The following GRIA1 variants were observed in gnomAD, a reference collection of about 807,000 sequenced individuals.
GRIA1 encodes the protein glutamate receptor 1.
A neutral mutation model predicts 99.2 loss-of-function variants in GRIA1; 31 were observed. The observed-to-expected ratio is 0.31, with a 90% CI of 0.23 to 0.42. The LOEUF is 0.42. Among genes scored for constraint, GRIA1 ranks in the 10% least tolerant of loss-of-function variants. The probability of loss-of-function intolerance (pLI) is 1.00; values close to 1 mark genes in which losing one functional copy is unlikely to be tolerated. For synonymous variants in GRIA1, 438 were observed against 432.4 expected, an observed-to-expected ratio of 1.01 and a Z score of -0.16; for missense variants, 782 against 1,157.5, an observed-to-expected ratio of 0.68 and a Z score of 4.71.
At chr5:153,747,882 C>G (rs559660662) in intron 11 of GRIA1, among the ~76,000 whole-genome samples, 14 of 152,342 alleles carry the variant, frequency 9.2e-5, no homozygotes, top group African/African-American at 3.4e-4. Context: ...TGGGTCACAT[C>G]TCTTCTATTA....
At chr5:153,688,574 G>T (rs1288689218) in intron 8 of GRIA1, among the ~76,000 whole-genome samples, 1 of 152,176 alleles carries the variant, frequency 6.6e-6, no homozygotes, top group Non-Finnish European at 1.5e-5. Context: ...AAATGTTGAA[G>T]AGTTAGCACA....
intron 2 of GRIA1, among the ~76,000 whole-genome samples, chr5:153,637,815 T>A (rs1187049570): frequency 1.3e-5 from 2 of 152,192 alleles, no homozygotes; most frequent in Non-Finnish European, 2.9e-5. Flanking sequence ...GGATGCTAGA[T>A]GGGCAACCTA....
chr5:153,491,403 G>A (rs570048652), intron 1 of GRIA1: 51 of 658,470 alleles, frequency 7.7e-5, no homozygotes, highest in Admixed American at 4.0e-4. Context: ...ATATGTAATT[G>A]AAGGAGGCAG....
intron 2 of GRIA1, among the ~76,000 whole-genome samples, chr5:153,617,829 A>C (rs552720981): frequency 6.6e-6 from 1 of 152,062 alleles, no homozygotes; most frequent in South Asian, 2.1e-4. Flanking sequence ...GATACACTAC[A>C]TGCTCCTGCC....
At chr5:153,566,237 A>G (rs1004096617) in intron 2 of GRIA1, among the ~76,000 whole-genome samples, 2 of 143,226 alleles carry the variant, frequency 1.4e-5, no homozygotes, top group Non-Finnish European at 3.0e-5. Flanking sequence ...GGTGTTGAAC[A>G]TCTTTTTTAT....
chr5:153,521,992 C>A (rs901737205), intron 2 of GRIA1, among the ~76,000 whole-genome samples: 2 of 152,152 alleles, frequency 1.3e-5, no homozygotes, highest in Admixed American at 1.3e-4. Flanking sequence ...ACTTTTTAGG[C>A]CCACCCTTCA....
Position 153,703,435 on chromosome 5 carries a change from G to T in GRIA1, c.1453-2262G>T, listed in dbSNP as rs553447562. On this transcript the variant is annotated intron_variant, in intron 10 of 15. Coordinates refer to ENST00000285900, the MANE Select transcript of GRIA1 (RefSeq NM_000827.4). ...TGAACAAATTTTTGAACTACAAAAT[G>T]AACTAAGCTTTAGGACAATACGGAA... Among the ~76,000 whole-genome samples, 5 of 152,216 alleles carry T rather than the reference G, an allele frequency of 3.3e-5. No individual in the cohort carries two copies. In the East Asian group the frequency reaches 9.7e-4, roughly 29 times the overall value.
In GRIA1 at chr5:153,567,124, G is replaced by C. The variant is rs537106744; in HGVS notation, c.220+73059G>C. Among the ~76,000 whole-genome samples the C allele has an allele frequency of 2.0e-5, 3 of 152,124 alleles. No homozygotes were observed. The South Asian group carries it at 6.2e-4, about 32-fold the overall frequency. ...TTGTTGTTGTTTAGCTTGTTTATTTGTTTCATTTTATGTGCAGTACTCACT... is the reference window on the plus strand; with the variant it reads ...TTGTTGTTGTTTAGCTTGTTTATTTCTTTCATTTTATGTGCAGTACTCACT... On this transcript the variant is annotated intron_variant, in intron 2 of 15. Transcript: ENST00000285900.
chr5:153,622,200 C>T (rs1339961794), intron 2 of GRIA1, among the ~76,000 whole-genome samples: 3 of 152,092 alleles, frequency 2.0e-5, no homozygotes, highest in African/African-American at 7.2e-5. Flanking sequence ...TTTAACAAAC[C>T]CTTAAGAGGA....
intron 11 of GRIA1, among the ~76,000 whole-genome samples, chr5:153,759,004 G>T (rs530533944): frequency 6.6e-6 from 1 of 151,848 alleles, no homozygotes; most frequent in Non-Finnish European, 1.5e-5. Flanking sequence ...ATGAATCAAT[G>T]AGGACATTTT....
At chr5:153,498,513 G>T (rs144464618) in intron 2 of GRIA1, among the ~76,000 whole-genome samples, 5 of 152,136 alleles carry the variant, frequency 3.3e-5, no homozygotes, top group South Asian at 2.1e-4. Flanking sequence ...ATAGGTGAAA[G>T]GTAGCAACCC....
chr5:153,588,641 A>G (rs1216238803), intron 2 of GRIA1, among the ~76,000 whole-genome samples: 1 of 152,220 alleles, frequency 6.6e-6, no homozygotes, highest in Admixed American at 6.5e-5. Context: ...ATACTTTTAA[A>G]TTGAAATTAT....
intron 6 of GRIA1, among the ~76,000 whole-genome samples, chr5:153,676,059 G>C (rs970692435): frequency 6.6e-6 from 1 of 152,044 alleles, no homozygotes; most frequent in African/African-American, 2.4e-5. Flanking sequence ...GGGTTTCACC[G>C]TGTTAGCCAG....
At chr5:153,528,937 A>G (rs531316121) in intron 2 of GRIA1, among the ~76,000 whole-genome samples, 2 of 152,122 alleles carry the variant, frequency 1.3e-5, no homozygotes, top group South Asian at 2.1e-4. Context: ...TAGGTTGGTT[A>G]CCAGAGTAGA....
chr5:153,731,817 TA>T (rs1389315354), intron 11 of GRIA1, among the ~76,000 whole-genome samples: 2 of 152,146 alleles, frequency 1.3e-5, no homozygotes, highest in African/African-American at 4.8e-5. Flanking sequence ...TTATTCACTA[TA>T]GTTTCTAAGC....
At chr5:153,722,231 G>A (rs892311568) in intron 11 of GRIA1, among the ~76,000 whole-genome samples, 3 of 150,268 alleles carry the variant, frequency 2.0e-5, no homozygotes, top group Non-Finnish European at 4.5e-5. Flanking sequence ...TTTTTTAGTT[G>A]TATATATTGT....
At chr5:153,539,223 A>G (rs972914653) in intron 2 of GRIA1, among the ~76,000 whole-genome samples, 51 of 152,380 alleles carry the variant, frequency 3.3e-4, no homozygotes, top group African/African-American at 1.2e-3. Context: ...TGCAAATAGA[A>G]AAACCAGTAT....
At chr5:153,804,023 C>T (rs977210070) in intron 15 of GRIA1, among the ~76,000 whole-genome samples, 11 of 152,182 alleles carry the variant, frequency 7.2e-5, no homozygotes, top group Non-Finnish European at 1.5e-5. Flanking sequence ...ATCTGCTCTC[C>T]TCACGTACTC....
At chr5:153,697,683 G>C (rs4460184) in intron 8 of GRIA1, among the ~76,000 whole-genome samples, 19,570 of 152,158 alleles carry the variant, frequency 0.13, 1,758 homozygotes, top group East Asian at 0.51. Context: ...AGGGTTAGTA[G>C]ACATGGGGGA....
Sources: allele counts gnomAD v4.1 joint callset (sites outside exome capture counted in the v4.1 genomes callset), GRCh38; gene constraint gnomAD v4.1.1; transcripts MANE v1.5; gene names NCBI Gene and HGNC (gene_info 2026-07-23, HGNC 2026-07-21).